PCDH15: variants seen among roughly 807,000 people sequenced by gnomAD.
PCDH15 encodes the protein protocadherin related 15, also known as protocadherin-15.
In PCDH15, 129 loss-of-function variants were observed where a neutral mutation model predicts 178.5. That is an observed-to-expected ratio of 0.72 (90% CI 0.63 to 0.84). PCDH15 has a LOEUF of 0.84. Ranked by LOEUF, PCDH15 falls within the 40% of genes least tolerant of loss-of-function variation. The pLI is 0.00. For synonymous variants in PCDH15, 800 were observed against 732.0 expected (o/e 1.09, Z -1.50); for missense variants, 2,230 against 2,099.9 (o/e 1.06, Z -1.21).
rs140471042 is a variant in PCDH15 at position 55,303,639 on chromosome 10, G to C, written c.-156+15960C>G. 1.9e-3 allele frequency among the ~76,000 whole-genome samples: 291 copies of C among 152,100 alleles called. 3 individuals are homozygous for C. The highest frequency in any genetic ancestry group is 6.2e-3 in the African/African-American group (259 of 41,496). On this transcript the variant is annotated intron_variant, in intron 1 of 5. Transcript: ENST00000458638. ...CATATTGAGTGAATTTTGGTAGTTG[G>C]TGTTTTTTTTGGTAGAAATAGGTGT...
At chr10:54,804,927 T>TTATA (rs71014419), upstream of PCDH15, among the ~76,000 whole-genome samples, 3,877 of 50,822 alleles carry the variant, frequency 0.076, 862 homozygotes, top group Middle Eastern at 0.12. Context: ...TCATAGTAGA[T>TTATA]TATATATATA....
intron 2 of PCDH15, among the ~76,000 whole-genome samples, chr10:55,091,073 C>A (rs563010631): frequency 1.9e-4 from 29 of 151,910 alleles, no homozygotes; most frequent in African/African-American, 7.0e-4. Flanking sequence ...ATGCAAAAGA[C>A]AGTTTTAAAA....
intron 3 of PCDH15, among the ~76,000 whole-genome samples, chr10:54,840,814 A>T (rs987328579): frequency 6.6e-6 from 1 of 151,910 alleles, no homozygotes; most frequent in Non-Finnish European, 1.5e-5. Context: ...TTGTAGTCAA[A>T]ATCTGTCATG....
chr10:54,015,383 T>C (rs1248631732), intron 20 of PCDH15, among the ~76,000 whole-genome samples: 1 of 60,778 alleles, frequency 1.6e-5, no homozygotes, highest in East Asian at 3.0e-4. Flanking sequence ...AAAGGCATTA[T>C]TCACAAGAAA....
In PCDH15 at chr10:55,069,459, G is replaced by A. The variant is rs543635614; in HGVS notation, c.-80+97117C>T. Among the ~76,000 whole-genome samples, 736 of 114,964 alleles carry A rather than the reference G, an allele frequency of 6.4e-3. 1 individual carries two copies. The highest frequency in any genetic ancestry group is 9.2e-3 in the Non-Finnish European group (551 of 60,002). The allele number at this position is 114,964 out of a possible 152,430, so 75.4% of individuals were successfully genotyped here. On this transcript the variant is annotated intron_variant, in intron 2 of 5. Coordinates refer to the PCDH15 transcript ENST00000458638. The stretch of plus-strand genomic sequence containing the variant: ...CACCCCACAACAGTCCCCAGAGTGT[G>A]ATGTTCCCCTTCCTGTGTCCATGTG...
chr10:55,359,889 A>C (rs2131977203), intron 2 of PCDH15, among the ~76,000 whole-genome samples: 1 of 151,882 alleles, frequency 6.6e-6, no homozygotes, highest in East Asian at 1.9e-4. Context: ...AGCCAGGCAC[A>C]CAAAGACAAA....
At chr10:54,053,686 G>C (rs777708677) in intron 18 of PCDH15, among the ~76,000 whole-genome samples, 7 of 152,330 alleles carry the variant, frequency 4.6e-5, no homozygotes, top group Non-Finnish European at 8.8e-5. Flanking sequence ...GAGCAAGTGA[G>C]TATGGCTAGA....
At chr10:55,324,099 T>C (rs1843972320), upstream of PCDH15, among the ~76,000 whole-genome samples, 1 of 152,148 alleles carries the variant, frequency 6.6e-6, no homozygotes, top group African/African-American at 2.4e-5. Context: ...GCTTCTCCTT[T>C]CGTGGACTGG....
chr10:55,143,813 A>T (rs992681153), intron 2 of PCDH15, among the ~76,000 whole-genome samples: 1 of 109,252 alleles, frequency 9.2e-6, no homozygotes, highest in African/African-American at 3.0e-5. Flanking sequence ...AAGAAGTTCT[A>T]CCTAGTGGGT....
At chr10:54,408,118 C>G (rs1952942700) in intron 3 of PCDH15, among the ~76,000 whole-genome samples, 1 of 149,646 alleles carries the variant, frequency 6.7e-6, no homozygotes, top group Admixed American at 6.7e-5. Context: ...CTAAGGTAAC[C>G]CTAGGAGTTT....
chr10:54,162,803 T>A (rs2133463493), intron 13 of PCDH15, among the ~76,000 whole-genome samples: 1 of 152,294 alleles, frequency 6.6e-6, no homozygotes, highest in South Asian at 2.1e-4. Flanking sequence ...TTGAGTTAAA[T>A]TCTAACTTTG....
intron 1 of PCDH15, among the ~76,000 whole-genome samples, chr10:55,317,744 C>T (rs1274457072): frequency 6.6e-6 from 1 of 151,366 alleles, no homozygotes; most frequent in African/African-American, 2.4e-5. Flanking sequence ...AATAGAAAAT[C>T]CTCAGGTGAT....
chr10:53,939,362 A>G (rs915646256), intron 24 of PCDH15, among the ~76,000 whole-genome samples: 1 of 152,092 alleles, frequency 6.6e-6, no homozygotes, highest in African/African-American at 2.4e-5. Context: ...AACTTACTGG[A>G]TTATTATACT....
In PCDH15 at chr10:54,450,134, T is replaced by A. The variant is rs1048224504; in HGVS notation, c.158-71192A>T. ...GATGACTATTCCTTTTTTATAAATA[T>A]ATATATATATATATATATATATATT... On this transcript the variant is annotated intron_variant, in intron 3 of 37. Transcript: ENST00000644397. 9.9e-4 allele frequency among the ~76,000 whole-genome samples: 47 copies of A among 47,594 alleles called. No individual in the cohort carries two copies. The Admixed American group carries it at 0.015, about 15-fold the overall frequency. 31.2% of individuals were successfully genotyped at this position (47,594 alleles called of 152,430 possible).
chr10:53,912,870 G>C (rs565994148), intron 25 of PCDH15, among the ~76,000 whole-genome samples: 40 of 152,234 alleles, frequency 2.6e-4, no homozygotes, highest in African/African-American at 9.1e-4. Context: ...TACTGCCCAA[G>C]GTAACTTATA....
chr10:54,791,905 T>A (rs2133566415), intron 1 of PCDH15, among the ~76,000 whole-genome samples: 1 of 152,006 alleles, frequency 6.6e-6, no homozygotes, highest in East Asian at 1.9e-4. Context: ...GTAGCACCTT[T>A]ACAATGTGCA....
intron 4 of PCDH15, among the ~76,000 whole-genome samples, chr10:54,372,140 C>A (rs1002671771): frequency 6.6e-6 from 1 of 151,914 alleles, no homozygotes; most frequent in African/African-American, 2.4e-5. Context: ...TGGCACACCT[C>A]TTGGAAGACA....
In PCDH15 at chr10:54,004,419, ACACACAC is replaced by A. The variant is rs985231016; in HGVS notation, c.2752-8661_2752-8655del. 4.9e-4 allele frequency among the ~76,000 whole-genome samples: 36 copies of A among 74,186 alleles called. No individual in the cohort carries two copies. In the South Asian group the frequency reaches 7.9e-3, roughly 16 times the overall value. The allele number at this position is 74,186 out of a possible 152,430, so 48.7% of individuals were successfully genotyped here. A position where few individuals can be genotyped will look rare whatever the true frequency, so the allele number is the denominator to read the frequency against. On this transcript the variant is annotated intron_variant, in intron 20 of 37. Coordinates refer to ENST00000644397, the MANE Select transcript of PCDH15 (RefSeq NM_001384140.1). Reference sequence around the variant, plus strand: ...ACTACACACACACACACACACACACACACACACCACACAAAGTATTAGAACTGATAAA... The same window carrying A: ...ACTACACACACACACACACACACACACACACAAAGTATTAGAACTGATAAA...
At chr10:53,883,769 G>A (rs1333458991) in intron 26 of PCDH15, among the ~76,000 whole-genome samples, 4 of 152,144 alleles carry the variant, frequency 2.6e-5, no homozygotes, top group South Asian at 2.1e-4. Context: ...AGGCTGGAGC[G>A]CAATGGTGTG....
Sources: allele counts gnomAD v4.1 joint callset (sites outside exome capture counted in the v4.1 genomes callset), GRCh38; gene constraint gnomAD v4.1.1; transcripts MANE v1.5; gene names NCBI Gene and HGNC (gene_info 2026-07-23, HGNC 2026-07-21).